Variants in MAD1L1 observed in about 807,000 individuals in gnomAD.
MAD1L1 encodes mitotic spindle assembly checkpoint protein MAD1.
Under a neutral mutation model 96.9 loss-of-function variants are expected in MAD1L1, and 95 were observed. That is an observed-to-expected ratio of 0.98 (90% CI 0.83 to 1.16). The LOEUF (loss-of-function observed/expected upper bound fraction) is 1.16. Among genes scored for constraint, MAD1L1 ranks in the 50% most tolerant of loss-of-function variants. The pLI is 0.00. For missense variants in MAD1L1, 1,007 were observed against 954.4 expected (o/e 1.06, Z -0.73); for synonymous variants, 473 against 396.6 (o/e 1.19, Z -2.29).
intron 17 of MAD1L1, among the ~76,000 whole-genome samples, chr7:1,916,930 T>C (rs1788441230): frequency 6.6e-6 from 1 of 151,878 alleles, no homozygotes; most frequent in African/African-American, 2.4e-5. Context: ...CCCTGGCACA[T>C]CTCCCATGCC....
In MAD1L1 at chr7:2,153,318, T is replaced by C. The variant is rs554654623; in HGVS notation, c.987-4080A>G. On this transcript the variant is annotated intron_variant, in intron 10 of 18. Coordinates refer to ENST00000265854, the MANE Select transcript of MAD1L1 (RefSeq NM_001013836.2). ...AAGGGACTAACATCCAAAATACAAC[T>C]CAAAAGAAACTCAAATAACAACAAT... Among the ~76,000 whole-genome samples, 6 of 151,598 alleles carry C rather than the reference T, an allele frequency of 4.0e-5. No homozygotes were observed. In the South Asian group the frequency reaches 1.0e-3, roughly 26 times the overall value.
At chr7:1,906,692 G>A (rs907171958) in intron 17 of MAD1L1, among the ~76,000 whole-genome samples, 1 of 152,230 alleles carries the variant, frequency 6.6e-6, no homozygotes, top group Non-Finnish European at 1.5e-5. Context: ...AGGCCTGTGC[G>A]CACTGTCACA....
At chr7:2,215,803 G>A in intron 9 of MAD1L1, 82 bp downstream of exon 9, 2 of 1,266,164 alleles carry the variant, frequency 1.6e-6, no homozygotes, top group Non-Finnish European at 2.3e-6. Flanking sequence ...GTGAGCAGCT[G>A]GTGGGCGTGA....
intron 11 of MAD1L1, among the ~76,000 whole-genome samples, chr7:2,084,311 C>T (rs3800892): frequency 0.18 from 27,507 of 152,274 alleles, 2,922 homozygotes; most frequent in Middle Eastern, 0.33. Flanking sequence ...TGGCCGGACC[C>T]GCCACAGAGA....
In MAD1L1 at chr7:2,114,906, C is replaced by T. The variant is rs1787583341; in HGVS notation, c.1073+34246G>A. ...AGAATCTGCTTTGCAAACACAAGGG[C>T]CTCGAAGCCCCGCCTTCCGGTGAGC... is the stretch of plus-strand genomic sequence containing the variant. On this transcript the variant is annotated intron_variant, in intron 11 of 18. Transcript: ENST00000265854. This position sits in a 1 kb window ranked among gnomAD's most constrained non-coding sequence, Gnocchi z 4.2. Among the ~76,000 whole-genome samples, 1 of 152,220 alleles carries T rather than the reference C, an allele frequency of 6.6e-6. No homozygotes were observed. The highest frequency in any genetic ancestry group is 2.4e-5 in the African/African-American group (1 of 41,456).
At chr7:1,965,544 C>G (rs1031614245) in intron 15 of MAD1L1, among the ~76,000 whole-genome samples, 2 of 152,238 alleles carry the variant, frequency 1.3e-5, no homozygotes, top group Non-Finnish European at 2.9e-5. Context: ...TCCTCCAGCA[C>G]TCACCTGGGG....
At chr7:2,166,973 G>A (rs1279952559) in intron 10 of MAD1L1, among the ~76,000 whole-genome samples, 2 of 152,252 alleles carry the variant, frequency 1.3e-5, no homozygotes, top group Non-Finnish European at 2.9e-5. Context: ...ACCGGAATCT[G>A]CCTAACTGGT....
intron 11 of MAD1L1, among the ~76,000 whole-genome samples, chr7:2,105,253 C>T (rs894707434): frequency 6.6e-6 from 1 of 152,184 alleles, no homozygotes; most frequent in Non-Finnish European, 1.5e-5. Context: ...GGCACTAACA[C>T]ACGAGCTGGC....
At chr7:2,022,487 C>T (rs1335278518) in intron 12 of MAD1L1, among the ~76,000 whole-genome samples, 5 of 151,886 alleles carry the variant, frequency 3.3e-5, no homozygotes, top group African/African-American at 4.8e-5. Context: ...AAAAATTAGC[C>T]GGGCATGGTG....
At chr7:2,055,980 AAAAT>A (rs911175894) in intron 12 of MAD1L1, among the ~76,000 whole-genome samples, 1 of 152,312 alleles carries the variant, frequency 6.6e-6, no homozygotes, top group Non-Finnish European at 1.5e-5. Context: ...CTCCATCTCA[AAAAT>A]AAATAAATAA....
At chr7:2,118,323 G>A (rs1178695230) in intron 11 of MAD1L1, among the ~76,000 whole-genome samples, 2 of 123,452 alleles carry the variant, frequency 1.6e-5, no homozygotes, top group African/African-American at 3.1e-5. Flanking sequence ...CGTGGTTGGC[G>A]GTCACAGATC....
chr7:2,163,465 C>T (rs940020703), intron 10 of MAD1L1, among the ~76,000 whole-genome samples: 5 of 152,282 alleles, frequency 3.3e-5, no homozygotes, highest in East Asian at 1.9e-4. Context: ...CCTCTGCCCC[C>T]CCGGTTCAAG....
intron 11 of MAD1L1, among the ~76,000 whole-genome samples, chr7:2,090,263 G>A (rs1439481431): frequency 3.3e-5 from 5 of 152,232 alleles, no homozygotes; most frequent in African/African-American, 4.8e-5. Flanking sequence ...CGGCGCTCGG[G>A]GAGGGGCCAG....
At chr7:1,967,751 G>A (rs1780227202) in intron 15 of MAD1L1, among the ~76,000 whole-genome samples, 1 of 152,254 alleles carries the variant, frequency 6.6e-6, no homozygotes, top group South Asian at 2.1e-4. Context: ...GGGCACAGCA[G>A]GGCGCGGCCG....
At chr7:1,936,541 CA>C in intron 17 of MAD1L1, 145 bp downstream of exon 17, 1 of 829,166 alleles carries the variant, frequency 1.2e-6, no homozygotes, top group Non-Finnish European at 1.8e-6. Context: ...TCTGCCCCAG[CA>C]ACCACCAGAC....
At chr7:2,218,693 G>A (rs767094297) in intron 6 of MAD1L1, among the ~76,000 whole-genome samples, 4 of 152,058 alleles carry the variant, frequency 2.6e-5, no homozygotes, top group South Asian at 2.1e-4. Context: ...GATCGCTTGA[G>A]GCCAGGAGCT....
chr7:1,846,419 T>A (rs2128636777), intron 18 of MAD1L1: 1 of 152,944 alleles, frequency 6.5e-6, no homozygotes, highest in South Asian at 2.1e-4. Flanking sequence ...GCAGGATGGA[T>A]GACACCACAG....
At chr7:2,177,699 TA>T (rs1439973619) in intron 10 of MAD1L1, among the ~76,000 whole-genome samples, 3 of 152,214 alleles carry the variant, frequency 2.0e-5, no homozygotes, top group African/African-American at 7.2e-5. Context: ...ATTTCACACT[TA>T]AAAATTATCA....
intron 10 of MAD1L1, among the ~76,000 whole-genome samples, chr7:2,161,109 G>C (rs28711281): frequency 9.2e-3 from 98 of 10,640 alleles, no homozygotes; most frequent in South Asian, 0.023. Context: ...TGGAGCCCCT[G>C]CCCCTCCCCC....
Sources: gnomAD v4.1 joint callset for allele counts (sites outside exome capture counted in the v4.1 genomes callset) on GRCh38, gnomAD v4.1.1 for gene constraint, Gnocchi (gnomAD v3.1) non-coding constraint, MANE v1.5 for transcripts, NCBI Gene and HGNC (gene_info 2026-07-23, HGNC 2026-07-21) for gene names.